Variants in SCAF4 observed in about 807,000 individuals in gnomAD.
The protein encoded by SCAF4 is SR-related and CTD-associated factor 4.
In SCAF4, 25 loss-of-function variants were observed where a neutral mutation model predicts 129.8. The ratio of observed to expected loss-of-function variants is 0.19; its 90% CI spans 0.14 to 0.27. SCAF4 has a LOEUF of 0.27. Among genes scored for constraint, SCAF4 ranks in the 10% least tolerant of loss-of-function variants. The probability of loss-of-function intolerance (pLI) is 1.00; values close to 1 mark genes in which losing one functional copy is unlikely to be tolerated. For missense variants in SCAF4, 1,246 were observed against 1,457.1 expected, an observed-to-expected ratio of 0.86 and a Z score of 2.36; for synonymous variants, 551 against 497.7, an observed-to-expected ratio of 1.11 and a Z score of -1.43.
At chr21:31,672,451 C>T in intron 19 of SCAF4, 97 bp from the exon 20 acceptor site, 1 of 965,092 alleles carries the variant, frequency 1.0e-6, no homozygotes, top group Non-Finnish European at 1.6e-6. Flanking sequence ...AAAATTCAAC[C>T]CACAATCTTC....
intron 1 of SCAF4, among the ~76,000 whole-genome samples, chr21:31,725,530 T>C (rs976675937): frequency 6.6e-5 from 10 of 152,218 alleles, no homozygotes; most frequent in African/African-American, 1.7e-4. Context: ...ACCATGAATA[T>C]ACAAGTACTC....
At position 31,701,153 on chromosome 21, in the gene SCAF4, T is replaced by A. The variant is rs756230440; in HGVS notation, c.619A>T (p.Thr207Ser). The change falls in exon 7 of 20, where the codon ACT becomes TCT. Residue 207 changes from threonine (T) to serine (S), a missense_variant. By Grantham distance (58) the Thr-to-Ser change is moderately conservative. Coordinates refer to ENST00000286835, the MANE Select transcript of SCAF4 (RefSeq NM_020706.2). ...QGQQLQQILQ[T>S]FQQPPKPQSP... ...TGTGGTTTTGGAGGCTGTTGAAAAG[T>A]CTGAAGGATCTGCTGAAGCTTAAAG... The A allele has an allele frequency of 6.3e-7, 1 of 1,587,120 alleles. No individual in the cohort carries two copies. Among genetic ancestry groups the A allele is most frequent in the Non-Finnish European group, 8.6e-7 (1 of 1,166,438 alleles).
At chr21:31,723,705 T>C (rs2123686239) in intron 1 of SCAF4, among the ~76,000 whole-genome samples, 1 of 152,226 alleles carries the variant, frequency 6.6e-6, no homozygotes, top group South Asian at 2.1e-4. Context: ...TGATTATTTC[T>C]GAAAATAATT....
chr21:31,725,275 A>G (rs2051174242), intron 1 of SCAF4, among the ~76,000 whole-genome samples: 1 of 152,188 alleles, frequency 6.6e-6, no homozygotes, highest in African/African-American at 2.4e-5. Flanking sequence ...GTTAAAAAAA[A>G]AATACTTAAT....
intron 19 of SCAF4, among the ~76,000 whole-genome samples, chr21:31,679,243 G>A (rs1399976526): frequency 6.6e-6 from 1 of 152,042 alleles, no homozygotes; most frequent in African/African-American, 2.4e-5. Context: ...CACTTTGCAT[G>A]AACTAAACAT....
chr21:31,711,343 A>G (rs943098411), intron 1 of SCAF4, among the ~76,000 whole-genome samples: 4 of 152,202 alleles, frequency 2.6e-5, no homozygotes, highest in Admixed American at 6.5e-5. Context: ...GCAAGACAAA[A>G]AAGTTCCCTG....
chr21:31,698,830 C>A (rs566833995), intron 7 of SCAF4, among the ~76,000 whole-genome samples: 2 of 152,198 alleles, frequency 1.3e-5, no homozygotes, highest in African/African-American at 2.4e-5. Flanking sequence ...TTCCAGCCTG[C>A]TGACCTGCCC....
At chr21:31,707,533 A>G (rs1044889739) in intron 1 of SCAF4, among the ~76,000 whole-genome samples, 1 of 152,196 alleles carries the variant, frequency 6.6e-6, no homozygotes, top group African/African-American at 2.4e-5. Flanking sequence ...AAACATATCT[A>G]CCTTCTTAAA....
intron 1 of SCAF4, among the ~76,000 whole-genome samples, chr21:31,710,364 C>T (rs2123628351): frequency 6.6e-6 from 1 of 152,174 alleles, no homozygotes; most frequent in African/African-American, 2.4e-5. Flanking sequence ...GCCTGGCCAA[C>T]ATGGTGAAAC....
chr21:31,731,892 C>A lies in SCAF4; in HGVS notation c.-200G>T. The A allele has an allele frequency of 2.0e-6, 1 of 511,750 alleles. No individual in the cohort carries two copies. Among genetic ancestry groups the A allele is most frequent in the Non-Finnish European group, 3.4e-6 (1 of 298,092 alleles). 31.7% of individuals were successfully genotyped at this position (511,750 alleles called of 1,614,324 possible). ...GGCAGAGGCGGAGAGGTGGCGGGCC[C>A]CCTCTCAGTCCCGTTCGCAGGATGA... On this transcript the variant is annotated 5_prime_UTR_variant, in exon 1 of 20. Coordinates refer to ENST00000286835, the MANE Select transcript of SCAF4 (RefSeq NM_020706.2).
At position 31,671,970 on chromosome 21, in the gene SCAF4, T is replaced by C. The variant is rs778645729; in HGVS notation, c.2873A>G (p.Gln958Arg). 41 of 1,611,062 alleles carry C rather than the reference T, an allele frequency of 2.5e-5. No homozygotes were observed. In the Admixed American group the frequency reaches 6.7e-4, roughly 26 times the overall value. ...CTGCTGCTGCTGCTGCTGCTGTGGTTGCTGGGGCGCCTGCGGCTGTGGCTG... is the reference window on the plus strand; with the variant it reads ...CTGCTGCTGCTGCTGCTGCTGTGGTCGCTGGGGCGCCTGCGGCTGTGGCTG... ...QQQPQPQAPQQPQQQQQQQPP... is the reference protein window; with the variant it reads ...QQQPQPQAPQRPQQQQQQQPP... The change falls in exon 20 of 20, where the codon CAA becomes CGA. Residue 958 changes from glutamine to arginine, a missense_variant. This residue lies in a region of SCAF4 where 339 missense variants were observed against 325.0 expected (regional missense o/e 1.04). Transcript: ENST00000286835.
chr21:31,674,789 A>AT (rs1419266387), intron 19 of SCAF4, among the ~76,000 whole-genome samples: 1 of 152,192 alleles, frequency 6.6e-6, no homozygotes, highest in Non-Finnish European at 1.5e-5. Context: ...AAAGTTATAA[A>AT]TTTTTAAAAA....
intron 7 of SCAF4, among the ~76,000 whole-genome samples, chr21:31,698,576 TGAA>T: frequency 6.6e-6 from 1 of 152,272 alleles, no homozygotes; most frequent in Middle Eastern, 3.4e-3. Flanking sequence ...GGTGTTGCTG[TGAA>T]GGTGTTTTTT....
intron 1 of SCAF4, among the ~76,000 whole-genome samples, chr21:31,720,437 G>C (rs1363685939): frequency 2.0e-5 from 3 of 152,100 alleles, no homozygotes; most frequent in African/African-American, 7.2e-5. Flanking sequence ...ACATTATTTT[G>C]ATAGTTATCA....
chr21:31,677,246 C>T (rs1334185453), intron 19 of SCAF4, among the ~76,000 whole-genome samples: 1 of 152,128 alleles, frequency 6.6e-6, no homozygotes, highest in African/African-American at 2.4e-5. Context: ...CTGGATCTGT[C>T]CCCTCTCACC....
intron 19 of SCAF4, among the ~76,000 whole-genome samples, chr21:31,680,304 G>A (rs2049966702): frequency 6.6e-6 from 1 of 152,200 alleles, no homozygotes; most frequent in Non-Finnish European, 1.5e-5. Context: ...GTGTTCATGT[G>A]TAAATTCATA....
chr21:31,697,778 T>C (rs1431181951), intron 7 of SCAF4, among the ~76,000 whole-genome samples: 3 of 152,238 alleles, frequency 2.0e-5, no homozygotes, highest in Non-Finnish European at 2.9e-5. Flanking sequence ...ACACAGTATA[T>C]AGGACTAAAC....
At chr21:31,686,445 A>C (rs1247213681) in intron 16 of SCAF4, among the ~76,000 whole-genome samples, 1 of 152,036 alleles carries the variant, frequency 6.6e-6, no homozygotes, top group Non-Finnish European at 1.5e-5. Flanking sequence ...TGCTTCTCCC[A>C]CCCGCTTTAG....
chr21:31,692,496 G>A, intron 12 of SCAF4, 47 bp from the exon 13 acceptor site: 1 of 1,267,096 alleles, frequency 7.9e-7, no homozygotes, highest in Non-Finnish European at 1.1e-6. Flanking sequence ...TTGATAATGA[G>A]CAGCACTGTA....
Sources: allele counts gnomAD v4.1 joint callset (sites outside exome capture counted in the v4.1 genomes callset), GRCh38; gene constraint gnomAD v4.1.1; regional missense constraint gnomAD v4.1.1; transcripts MANE v1.5; gene names NCBI Gene and HGNC (gene_info 2026-07-23, HGNC 2026-07-21).